The following CADM2 variants were observed in gnomAD, a reference collection of about 807,000 sequenced individuals.
The protein encoded by CADM2 is immunoglobulin superfamily member 4D.
Under a neutral mutation model 49.8 loss-of-function variants are expected in CADM2, and 12 were observed. The observed-to-expected ratio is 0.24, with a 90% confidence interval of 0.15 to 0.39. The LOEUF is 0.39. Among genes scored for constraint, CADM2 ranks in the 10% least tolerant of loss-of-function variants. CADM2 has a pLI of 1.00. For missense variants in CADM2, 378 were observed against 492.3 expected (o/e 0.77, Z 2.20); for synonymous variants, 214 against 175.4 (o/e 1.22, Z -1.74).
chr3:85,170,452 C>T (rs2107683674), intron 1 of CADM2, among the ~76,000 whole-genome samples: 1 of 151,808 alleles, frequency 6.6e-6, no homozygotes, highest in South Asian at 2.1e-4. Context: ...GATTCTTCTG[C>T]CTCAATCTCC....
intron 1 of CADM2, among the ~76,000 whole-genome samples, chr3:85,384,243 T>C (rs1033010935): frequency 3.3e-5 from 5 of 152,214 alleles, no homozygotes; most frequent in Non-Finnish European, 7.4e-5. Flanking sequence ...ATATATCTTA[T>C]AGAATGCACT....
chr3:85,420,049 C>T lies in CADM2; in HGVS notation c.62-306473C>T, dbSNP rs1252408282. On this transcript the variant is annotated intron_variant, in intron 1 of 9. Coordinates refer to ENST00000383699, the MANE Select transcript of CADM2 (RefSeq NM_001167675.2). ...AAGTTGATAACAAATTTTGCCAAAGCTTCAAGGGATTAAAAGGTTTTCACA... is the reference window on the plus strand; with the variant it reads ...AAGTTGATAACAAATTTTGCCAAAGTTTCAAGGGATTAAAAGGTTTTCACA... Among the ~76,000 whole-genome samples the T allele has an allele frequency of 3.9e-5, 6 of 152,262 alleles. No individual in the cohort carries two copies. In the East Asian group the frequency reaches 1.2e-3, roughly 29 times the overall value.
intron 8 of CADM2, among the ~76,000 whole-genome samples, chr3:86,004,287 T>A (rs1244441127): frequency 1.3e-5 from 2 of 152,216 alleles, no homozygotes; most frequent in Non-Finnish European, 2.9e-5. Context: ...CCGCAAACAC[T>A]AAAATCTGAG....
In CADM2 at chr3:85,007,563, A is replaced by G. The variant is rs574261278; in HGVS notation, c.61+47895A>G. On this transcript the variant is annotated intron_variant, in intron 1 of 9. Coordinates refer to ENST00000383699, the MANE Select transcript of CADM2 (RefSeq NM_001167675.2). ...TAAAGTAAAGACGTCCAAAGGATGC[A>G]GAGTTTAACTCCGAGAGAATGCTTT... 5.4e-4 allele frequency among the ~76,000 whole-genome samples: 83 copies of G among 152,330 alleles called. No individual in the cohort carries two copies. In the South Asian group the frequency reaches 0.017, roughly 31 times the overall value.
chr3:85,357,204 T>C (rs1028596056), intron 1 of CADM2, among the ~76,000 whole-genome samples: 7 of 152,074 alleles, frequency 4.6e-5, no homozygotes, highest in Non-Finnish European at 8.8e-5. Flanking sequence ...TTGTCAACAC[T>C]CCATCGCCCT....
At chr3:86,063,434 G>A (rs374338008) in intron 8 of CADM2, among the ~76,000 whole-genome samples, 7 of 151,556 alleles carry the variant, frequency 4.6e-5, no homozygotes. Flanking sequence ...GACAAGGTTT[G>A]TTGTTCCCTG....
chr3:85,422,379 A>G (rs1576524698), intron 1 of CADM2, among the ~76,000 whole-genome samples: 1 of 151,878 alleles, frequency 6.6e-6, no homozygotes, highest in Non-Finnish European at 1.5e-5. Flanking sequence ...CCGGGTTCGC[A>G]CCATTCTCCT....
At chr3:85,427,639 T>C (rs1470428644) in intron 1 of CADM2, among the ~76,000 whole-genome samples, 1 of 152,142 alleles carries the variant, frequency 6.6e-6, no homozygotes, top group Non-Finnish European at 1.5e-5. Context: ...AACAGCTATA[T>C]TATCAAATCA....
intron 1 of CADM2, among the ~76,000 whole-genome samples, chr3:85,066,147 T>C (rs912346303): frequency 6.6e-6 from 1 of 152,078 alleles, no homozygotes; most frequent in African/African-American, 2.4e-5. Context: ...GTCTGGAAAG[T>C]AAATTCAGAA....
chr3:85,631,306 A>G (rs990228491), intron 1 of CADM2, among the ~76,000 whole-genome samples: 16 of 152,108 alleles, frequency 1.1e-4, no homozygotes, highest in Admixed American at 7.9e-4. Flanking sequence ...GGGGTATAGT[A>G]TCTTCATAGA....
chr3:85,171,805 A>C (rs972051115), intron 1 of CADM2, among the ~76,000 whole-genome samples: 1 of 152,356 alleles, frequency 6.6e-6, no homozygotes, highest in South Asian at 2.1e-4. Flanking sequence ...GATTTCAAAT[A>C]AAACAATTTA....
intron 1 of CADM2, among the ~76,000 whole-genome samples, chr3:85,583,724 G>T (rs904913235): frequency 2.6e-5 from 4 of 152,006 alleles, no homozygotes; most frequent in African/African-American, 9.7e-5. Context: ...ATAGATTTAT[G>T]AATAGTATCT....
At chr3:85,678,693 G>C (rs1234964875) in intron 1 of CADM2, among the ~76,000 whole-genome samples, 1 of 152,086 alleles carries the variant, frequency 6.6e-6, no homozygotes. Flanking sequence ...CTATGAAATG[G>C]CAACGTAATA....
chr3:85,426,497 T>G (rs35894540), intron 1 of CADM2, among the ~76,000 whole-genome samples: 1 of 151,850 alleles, frequency 6.6e-6, no homozygotes, highest in Non-Finnish European at 1.5e-5. Context: ...AAATAACTTT[T>G]GTGGGTACAC....
chr3:85,520,076 A>G (rs888711132), intron 1 of CADM2, among the ~76,000 whole-genome samples: 1 of 152,014 alleles, frequency 6.6e-6, no homozygotes, highest in African/African-American at 2.4e-5. Flanking sequence ...CAGTATGTTA[A>G]TTCATTTTAA....
At chr3:85,733,625 G>T (rs1044839661) in intron 2 of CADM2, among the ~76,000 whole-genome samples, 1 of 152,000 alleles carries the variant, frequency 6.6e-6, no homozygotes, top group Non-Finnish European at 1.5e-5. Flanking sequence ...GCAAAAATAG[G>T]TTTGAGCTTC....
At chr3:85,734,214 G>A (rs1392506320) in intron 2 of CADM2, among the ~76,000 whole-genome samples, 2 of 152,024 alleles carry the variant, frequency 1.3e-5, no homozygotes, top group South Asian at 2.1e-4. Context: ...AGAATTCCTG[G>A]GTTCTAGGGT....
At chr3:85,127,665 T>A (rs182502538) in intron 1 of CADM2, among the ~76,000 whole-genome samples, 9 of 152,318 alleles carry the variant, frequency 5.9e-5, no homozygotes, top group Admixed American at 5.9e-4. Flanking sequence ...ATGGCTTCTA[T>A]TTTTCTCTTC....
Position 85,449,080 on chromosome 3 carries a change from A to AATAATAATAATAAT in CADM2, c.62-277441_62-277440insTAATAATAATAATA, listed in dbSNP as rs1443044071. Among the ~76,000 whole-genome samples the AATAATAATAATAAT allele has an allele frequency of 8.8e-5, 13 of 147,768 alleles. No individual in the cohort carries two copies. In the South Asian group the frequency reaches 2.3e-3, roughly 26 times the overall value. ...TAATAATAATAATAATAATAATGAT[A>AATAATAATAATAAT]AAAATTATATAATTCATTATACCAT... On this transcript the variant is annotated intron_variant, in intron 1 of 9. Transcript: ENST00000383699.
Sources: gnomAD v4.1 joint callset for allele counts (sites outside exome capture counted in the v4.1 genomes callset) on GRCh38, gnomAD v4.1.1 for gene constraint, MANE v1.5 for transcripts, NCBI Gene and HGNC (gene_info 2026-07-23, HGNC 2026-07-21) for gene names.